TET3: variants seen among roughly 807,000 people sequenced by gnomAD.
TET3 encodes methylcytosine dioxygenase TET3.
Under a neutral mutation model 141.4 loss-of-function variants are expected in TET3, and 19 were observed. The observed-to-expected ratio is 0.13, with a 90% CI of 0.09 to 0.20. TET3 has a LOEUF of 0.20. Among genes scored for constraint, TET3 ranks in the 10% least tolerant of loss-of-function variants. TET3 has a pLI of 1.00. For missense variants in TET3, 1,874 were observed against 2,356.9 expected (o/e 0.80, Z 4.24); for synonymous variants, 1,043 against 980.9 (o/e 1.06, Z -1.18).
chr2:74,101,680 C>CGGA lies in TET3; in HGVS notation c.4899_4901dup (p.Glu1637dup), dbSNP rs1181534867. The CGGA allele has an allele frequency of 1.2e-6, 2 of 1,613,446 alleles. No homozygotes were observed. The highest frequency in any genetic ancestry group is 2.7e-5 in the African/African-American group (2 of 74,904). ...AAGGAGGAGAAGGGCGGTGGTGGTG[C>CGGA]GGAGGAGGAAGAGGAGGAGCTGTGG... is the stretch of plus-strand genomic sequence containing the variant. On this transcript the variant is annotated inframe_insertion, in exon 12 of 12. Coordinates refer to ENST00000409262, the MANE Select transcript of TET3 (RefSeq NM_001287491.2). This position sits in a 1 kb window ranked among gnomAD's most constrained non-coding sequence, Gnocchi z 8.5.
chr2:73,989,021 T>C (rs1426215065), intron 2 of TET3, among the ~76,000 whole-genome samples: 1 of 134,232 alleles, frequency 7.4e-6, no homozygotes, highest in African/African-American at 2.9e-5. Context: ...TTTTGGTCCA[T>C]GAAGGCTGAA....
At chr2:74,048,673 C>T (rs1687780655) in intron 4 of TET3, among the ~76,000 whole-genome samples, 1 of 152,156 alleles carries the variant, frequency 6.6e-6, no homozygotes, top group Non-Finnish European at 1.5e-5. Flanking sequence ...TAATAGAGGC[C>T]TTCTTGTAGG....
At chr2:73,992,021 C>A (rs1274066459) in intron 2 of TET3, among the ~76,000 whole-genome samples, 1 of 151,956 alleles carries the variant, frequency 6.6e-6, no homozygotes, top group Non-Finnish European at 1.5e-5. Context: ...GGTCTGAGCC[C>A]CTAAGAGGAG....
the TET3 span, among the ~76,000 whole-genome samples, chr2:74,113,670 A>T: frequency 6.6e-6 from 1 of 152,010 alleles, no homozygotes; most frequent in African/African-American, 2.4e-5. Context: ...TAGCTGAAAA[A>T]GAAATCAAGA....
chr2:74,100,453 C>G lies in TET3; in HGVS notation c.3665C>G (p.Pro1222Arg). 6.3e-7 allele frequency: 1 copy of G among 1,583,526 alleles called. No homozygotes were observed. Among genetic ancestry groups the G allele is most frequent in the Non-Finnish European group, 8.6e-7 (1 of 1,165,122 alleles). The change falls in exon 12 of 12, where the codon CCG (proline) becomes CGG (arginine). Residue 1222 changes from proline (P) to arginine (R), a missense_variant. Transcript: ENST00000409262. ...CTGAAGCCCTCCCTCAAGGTGGAGC[C>G]GCAGAACCACTTCAGCTCCTTCAAG... ...QGLKPSLKVEPQNHFSSFKYS... is the reference protein window; with the variant it reads ...QGLKPSLKVERQNHFSSFKYS...
chr2:73,996,639 C>G lies in TET3; in HGVS notation c.304-6471C>G, dbSNP rs141725186. Among the ~76,000 whole-genome samples the G allele has an allele frequency of 2.4e-3, 365 of 152,262 alleles. 3 individuals are homozygous for G. Among genetic ancestry groups the G allele is most frequent in the African/African-American group, 8.0e-3 (332 of 41,552 alleles). ...TCTCGTGCCTTAGCCTCCTGAGTAG[C>G]TGGGATTACAGGCATGCACCACCAC... On this transcript the variant is annotated intron_variant, in intron 2 of 11. Transcript: ENST00000409262.
chr2:74,078,748 A>G (rs781337043), intron 5 of TET3, among the ~76,000 whole-genome samples: 3 of 152,240 alleles, frequency 2.0e-5, no homozygotes, highest in Non-Finnish European at 4.4e-5. Flanking sequence ...GCTCTATGAA[A>G]TAGTATATTA....
At chr2:73,999,512 A>C (rs1684745466) in intron 2 of TET3, among the ~76,000 whole-genome samples, 1 of 152,086 alleles carries the variant, frequency 6.6e-6, no homozygotes, top group Non-Finnish European at 1.5e-5. Flanking sequence ...ATCTGTGTGG[A>C]ATCTGACCTG....
chr2:74,080,393 T>C, intron 5 of TET3, 105 bp from the exon 6 acceptor site: 1 of 971,672 alleles, frequency 1.0e-6, no homozygotes, highest in South Asian at 1.4e-5. Context: ...CCCCCGACGG[T>C]AACCAGAAAC....
the TET3 span, among the ~76,000 whole-genome samples, chr2:74,127,694 GTTTT>G: frequency 6.8e-6 from 1 of 148,024 alleles, no homozygotes; most frequent in Non-Finnish European, 1.5e-5. Context: ...ATTCTGTGAG[GTTTT>G]TTTTTTTTCT....
At chr2:74,095,274 C>T (rs1242594776) in intron 10 of TET3, among the ~76,000 whole-genome samples, 1 of 152,162 alleles carries the variant, frequency 6.6e-6, no homozygotes, top group African/African-American at 2.4e-5. Context: ...GCAGCTCCTG[C>T]TGGCACTCTG....
At chr2:73,998,110 C>T (rs568884777) in intron 2 of TET3, among the ~76,000 whole-genome samples, 10 of 152,230 alleles carry the variant, frequency 6.6e-5, no homozygotes, top group Non-Finnish European at 1.0e-4. Context: ...TGCTGGGTAC[C>T]GCGTGAGAAT....
chr2:74,114,064 CTG>C, the TET3 span, among the ~76,000 whole-genome samples: 41 of 152,122 alleles, frequency 2.7e-4, no homozygotes, highest in Admixed American at 2.6e-3. Flanking sequence ...TACTAAAAAA[CTG>C]TAATAACCAA....
At chr2:74,025,272 T>TA (rs1279153761) in intron 3 of TET3, among the ~76,000 whole-genome samples, 1 of 149,588 alleles carries the variant, frequency 6.7e-6, no homozygotes, top group East Asian at 2.0e-4. Context: ...CCTTTACTAC[T>TA]AAATAGTCAA....
At chr2:74,068,845 C>A (rs900468917) in intron 4 of TET3, among the ~76,000 whole-genome samples, 4 of 152,118 alleles carry the variant, frequency 2.6e-5, no homozygotes, top group African/African-American at 7.2e-5. Flanking sequence ...CCATTGGTAT[C>A]TTTTTTTCAT....
the TET3 span, among the ~76,000 whole-genome samples, chr2:74,115,891 T>TGTG: frequency 6.6e-6 from 1 of 151,572 alleles, no homozygotes. Flanking sequence ...GGCACATGCC[T>TGTG]GTGGTATCAG....
chr2:73,988,733 AG>A (rs1684169914), intron 2 of TET3, among the ~76,000 whole-genome samples: 1 of 152,160 alleles, frequency 6.6e-6, no homozygotes, highest in South Asian at 2.1e-4. Flanking sequence ...TGATCTGTGG[AG>A]TTCTCTGTTT....
intron 7 of TET3, among the ~76,000 whole-genome samples, chr2:74,089,401 C>T (rs1435233394): frequency 1.3e-5 from 2 of 151,966 alleles, no homozygotes; most frequent in African/African-American, 4.8e-5. Context: ...TATCCATCCC[C>T]CAGTTAGGGG....
downstream of TET3, among the ~76,000 whole-genome samples, chr2:74,110,743 T>G (rs919543333): frequency 1.3e-5 from 2 of 152,160 alleles, no homozygotes; most frequent in African/African-American, 4.8e-5. Context: ...TCAAACCATC[T>G]TCCTGTATGT....
Sources: gnomAD v4.1 joint callset for allele counts (sites outside exome capture counted in the v4.1 genomes callset) on GRCh38, gnomAD v4.1.1 for gene constraint, Gnocchi (gnomAD v3.1) non-coding constraint, MANE v1.5 for transcripts, NCBI Gene and HGNC (gene_info 2026-07-23, HGNC 2026-07-21) for gene names.